The following MDGA2 variants were observed in gnomAD, a reference collection of about 807,000 sequenced individuals.
MDGA2 encodes MAM domain containing glycosylphosphatidylinositol anchor 2, also known as MAM domain-containing glycosylphosphatidylinositol anchor protein 2.
In MDGA2, 40 loss-of-function variants were observed where a neutral mutation model predicts 117.8. The ratio of observed to expected loss-of-function variants is 0.34; its 90% CI spans 0.26 to 0.44. MDGA2 has a LOEUF of 0.44. Ranked by LOEUF, MDGA2 falls within the 20% of genes least tolerant of loss-of-function variation. The pLI is 1.00. For synonymous variants in MDGA2, 452 were observed against 439.0 expected, an observed-to-expected ratio of 1.03 and a Z score of -0.37; for missense variants, 1,123 against 1,250.6, an observed-to-expected ratio of 0.90 and a Z score of 1.54.
chr14:47,051,237 G>A (rs1175454448), intron 7 of MDGA2, among the ~76,000 whole-genome samples: 1 of 148,480 alleles, frequency 6.7e-6, no homozygotes, highest in Non-Finnish European at 1.5e-5. Flanking sequence ...AAAATGAAAG[G>A]CATTAGGTCA....
At chr14:47,595,470 G>T (rs1230635429) in intron 1 of MDGA2, among the ~76,000 whole-genome samples, 2 of 147,964 alleles carry the variant, frequency 1.4e-5, no homozygotes, top group African/African-American at 4.9e-5. Flanking sequence ...GGAGGTGGAG[G>T]TTTCAGTGAG....
intron 2 of MDGA2, among the ~76,000 whole-genome samples, chr14:47,280,001 A>ATT (rs905658667): frequency 6.9e-6 from 1 of 145,222 alleles, no homozygotes; most frequent in Non-Finnish European, 1.5e-5. Context: ...CTAGTTTTTG[A>ATT]TTTTTTTTTT....
chr14:47,288,783 T>G (rs1888775618), intron 2 of MDGA2, among the ~76,000 whole-genome samples: 2 of 151,886 alleles, frequency 1.3e-5, no homozygotes, highest in African/African-American at 4.8e-5. Context: ...GATTGAATCA[T>G]TCTTAATAAC....
At chr14:47,247,217 G>T (rs941796607) in intron 2 of MDGA2, among the ~76,000 whole-genome samples, 1 of 151,552 alleles carries the variant, frequency 6.6e-6, no homozygotes, top group African/African-American at 2.4e-5. Flanking sequence ...GTATTTAAAC[G>T]AAGGAGTCAA....
chr14:47,566,007 G>A (rs1895911747), intron 1 of MDGA2, among the ~76,000 whole-genome samples: 1 of 152,230 alleles, frequency 6.6e-6, no homozygotes, highest in Non-Finnish European at 1.5e-5. Flanking sequence ...CAGGGCAGGT[G>A]GTGCACTCAC....
intron 8 of MDGA2, among the ~76,000 whole-genome samples, chr14:47,002,209 A>G (rs1192705514): frequency 2.6e-5 from 4 of 152,166 alleles, no homozygotes; most frequent in Admixed American, 2.6e-4. Flanking sequence ...AAAACTTACA[A>G]AAACAAGGAT....
At chr14:47,150,054 TCCCGAGAAGGGTGTGAGTTA>T (rs1480460641) in intron 3 of MDGA2, among the ~76,000 whole-genome samples, 1 of 152,176 alleles carries the variant, frequency 6.6e-6, no homozygotes, top group East Asian at 1.9e-4. Context: ...TGGGGTTCTA[TCCCGAGAAGGGTGTGAGTTA>T]CCTCCAAGGG....
intron 6 of MDGA2, among the ~76,000 whole-genome samples, chr14:47,074,333 C>T (rs1273229306): frequency 1.3e-5 from 2 of 151,088 alleles, no homozygotes; most frequent in African/African-American, 4.9e-5. Flanking sequence ...TGGAGTCTCG[C>T]TCTGTCACCC....
intron 1 of MDGA2, among the ~76,000 whole-genome samples, chr14:47,335,603 T>C (rs1890419419): frequency 6.6e-6 from 1 of 150,952 alleles, no homozygotes; most frequent in Non-Finnish European, 1.5e-5. Flanking sequence ...CTGAGTAAGG[T>C]AGGAAGTCAT....
intron 1 of MDGA2, among the ~76,000 whole-genome samples, chr14:47,402,357 AAG>A (rs35758519): frequency 4.5e-4 from 62 of 137,876 alleles, no homozygotes; most frequent in African/African-American, 1.5e-3. Context: ...CCGCAAAAAA[AAG>A]AGAGAGAGAG....
chr14:47,385,989 C>G (rs1193133715), intron 1 of MDGA2, among the ~76,000 whole-genome samples: 1 of 152,044 alleles, frequency 6.6e-6, no homozygotes. Context: ...TTTATGAAAG[C>G]ATAGATTTCA....
intron 1 of MDGA2, among the ~76,000 whole-genome samples, chr14:47,593,648 G>A (rs988695732): frequency 6.6e-5 from 10 of 152,032 alleles, no homozygotes; most frequent in African/African-American, 2.4e-4. Context: ...AACACCACAT[G>A]TTCTCACTCA....
chr14:47,351,942 C>T (rs200540355), intron 1 of MDGA2, among the ~76,000 whole-genome samples: 1 of 148,556 alleles, frequency 6.7e-6, no homozygotes, highest in African/African-American at 2.5e-5. Context: ...CACACACAAA[C>T]ATATATATAT....
intron 1 of MDGA2, among the ~76,000 whole-genome samples, chr14:47,372,175 T>C (rs1891374610): frequency 6.6e-6 from 1 of 151,744 alleles, no homozygotes; most frequent in Non-Finnish European, 1.5e-5. Context: ...TATGAAAATA[T>C]TCTACCACCA....
intron 1 of MDGA2, among the ~76,000 whole-genome samples, chr14:47,501,072 A>C (rs531911244): frequency 6.6e-6 from 1 of 152,300 alleles, no homozygotes; most frequent in African/African-American, 2.4e-5. Flanking sequence ...TGAAAGTGGA[A>C]TAGTCAGATA....
Position 47,674,757 on chromosome 14 carries a change from G to T in MDGA2, c.40C>A (p.Arg14Ser), listed in dbSNP as rs1457570395. The change falls in exon 1 of 17, where the codon CGC (arginine) becomes AGC (serine). Residue 14 changes from arginine to serine, a missense_variant. Physicochemically the swap from Arg to Ser is moderately radical, Grantham distance 110. This residue lies in a region of MDGA2 where 233 missense variants were observed against 200.3 expected (regional missense o/e 1.16). Coordinates refer to ENST00000399232, the MANE Select transcript of MDGA2 (RefSeq NM_001113498.3). ...CCGTCTGTCCTTCCCCGGCGGCGGC[G>T]GCGAGCGGAGCGCAGGAGCCCCGCA... The part of the protein sequence containing the change: ...WSAGLLRSAR[R>S]RRRGRTDGRR... 1.4e-6 allele frequency: 1 copy of T among 710,244 alleles called. No individual in the cohort carries two copies. Among genetic ancestry groups the T allele is most frequent in the Non-Finnish European group, 2.5e-6 (1 of 393,304 alleles). The allele number at this position is 710,244 out of a possible 1,614,324, so 44.0% of individuals were successfully genotyped here. A position where few individuals can be genotyped will look rare whatever the true frequency, so the allele number is the denominator to read the frequency against.
At chr14:47,092,731 G>C (rs1879730313) in intron 6 of MDGA2, among the ~76,000 whole-genome samples, 1 of 152,056 alleles carries the variant, frequency 6.6e-6, no homozygotes, top group Non-Finnish European at 1.5e-5. Flanking sequence ...ATAGTCTATT[G>C]GTAAGCATTT....
At chr14:47,359,137 C>T (rs535702415) in intron 1 of MDGA2, among the ~76,000 whole-genome samples, 2 of 152,128 alleles carry the variant, frequency 1.3e-5, no homozygotes, top group Non-Finnish European at 2.9e-5. Context: ...AGGTGGATCA[C>T]GAGGTCAGGA....
chr14:47,373,692 G>A (rs973804457), intron 1 of MDGA2, among the ~76,000 whole-genome samples: 2 of 151,978 alleles, frequency 1.3e-5, no homozygotes, highest in Non-Finnish European at 2.9e-5. Flanking sequence ...CTAATGGATA[G>A]GGGGTTTCTT....
Sources: allele counts gnomAD v4.1 joint callset (sites outside exome capture counted in the v4.1 genomes callset), GRCh38; gene constraint gnomAD v4.1.1; regional missense constraint gnomAD v4.1.1; transcripts MANE v1.5; gene names NCBI Gene and HGNC (gene_info 2026-07-23, HGNC 2026-07-21).